TRPM3: variants seen among roughly 807,000 people sequenced by gnomAD.
TRPM3 encodes long transient receptor potential channel 3.
TRPM3 carries 77 observed loss-of-function variants against 181.2 expected under a neutral mutation model. The ratio of observed to expected loss-of-function variants is 0.42; its 90% confidence interval spans 0.35 to 0.51. TRPM3 has a LOEUF of 0.51. Ranked by LOEUF, TRPM3 falls within the 20% of genes least tolerant of loss-of-function variation. TRPM3 has a pLI of 0.01. For synonymous variants in TRPM3, 745 were observed against 796.4 expected, an observed-to-expected ratio of 0.94 and a Z score of 1.09; for missense variants, 1,759 against 2,196.7, an observed-to-expected ratio of 0.80 and a Z score of 3.98.
At chr9:71,026,228 C>T (rs930740717) in intron 1 of TRPM3, among the ~76,000 whole-genome samples, 1 of 152,170 alleles carries the variant, frequency 6.6e-6, no homozygotes, top group Non-Finnish European at 1.5e-5. Context: ...GTCCTGCACT[C>T]TGCAGGGCAG....
intron 1 of TRPM3, among the ~76,000 whole-genome samples, chr9:71,067,200 C>G (rs1026082165): frequency 6.6e-6 from 1 of 151,394 alleles, no homozygotes; most frequent in Non-Finnish European, 1.5e-5. Context: ...AGGTTCCTTA[C>G]ACTGTGTATA....
At chr9:71,192,175 T>A (rs546380456) in intron 1 of TRPM3, among the ~76,000 whole-genome samples, 2 of 152,004 alleles carry the variant, frequency 1.3e-5, no homozygotes, top group East Asian at 3.9e-4. Context: ...CACCTTTATA[T>A]AGCATTTTTA....
At chr9:70,539,065 C>T (rs927508604) in intron 25 of TRPM3, among the ~76,000 whole-genome samples, 1 of 152,150 alleles carries the variant, frequency 6.6e-6, no homozygotes, top group Admixed American at 6.6e-5. Flanking sequence ...CCAATCCTTC[C>T]AATATGCAAA....
At chr9:71,026,431 C>T (rs907968448) in intron 1 of TRPM3, among the ~76,000 whole-genome samples, 19 of 152,200 alleles carry the variant, frequency 1.2e-4, no homozygotes, top group Non-Finnish European at 2.5e-4. Flanking sequence ...CCGATGAACA[C>T]GCACCAGCCT....
rs1388748123 is a variant in TRPM3, at chr9:70,598,426, C to G, written c.3041G>C (p.Gly1014Ala). Residue 1014 changes from glycine (G) to alanine (A), a missense_variant, in exon 21 of 26, where the codon GGA (glycine) becomes GCA (alanine). Coordinates refer to ENST00000677713, the MANE Select transcript of TRPM3 (RefSeq NM_001366145.2). The part of the protein sequence containing the change: ...KYLGPYVMMI[G>A]KMMIDMMYFV... ...TCAGAAGACCCTGCTTACCATTTTT[C>G]CAATCATCATTACATACGGGCCCAA... 1 of 1,612,118 alleles carries G rather than the reference C, an allele frequency of 6.2e-7. No individual in the cohort carries two copies.
intron 1 of TRPM3, among the ~76,000 whole-genome samples, chr9:70,915,492 A>G (rs2096584115): frequency 6.6e-6 from 1 of 150,458 alleles, no homozygotes; most frequent in South Asian, 2.1e-4. Flanking sequence ...TTTTTAGTAG[A>G]GACGGGGTTT....
intron 1 of TRPM3, among the ~76,000 whole-genome samples, chr9:71,211,869 T>C (rs1360265870): frequency 6.6e-6 from 1 of 152,200 alleles, no homozygotes; most frequent in Non-Finnish European, 1.5e-5. Flanking sequence ...TGAGGTACTG[T>C]GGGTTAGGAC....
intron 1 of TRPM3, among the ~76,000 whole-genome samples, chr9:71,297,054 C>T (rs1480692255): frequency 4.2e-5 from 6 of 144,318 alleles, no homozygotes; most frequent in Non-Finnish European, 1.5e-5. Context: ...TGCAATGGCA[C>T]GATCTCTGCT....
At chr9:71,206,990 T>C (rs747668245) in intron 1 of TRPM3, among the ~76,000 whole-genome samples, 1 of 152,050 alleles carries the variant, frequency 6.6e-6, no homozygotes, top group Non-Finnish European at 1.5e-5. Flanking sequence ...GTTCTCTTTA[T>C]CAGTAGTTGA....
In TRPM3 at chr9:71,121,487, G is replaced by A. The variant is rs2073635896; in HGVS notation, c.-133C>T. On this transcript the variant is annotated 5_prime_UTR_variant, in exon 1 of 26. Coordinates refer to ENST00000677713, the MANE Select transcript of TRPM3 (RefSeq NM_001366145.2). ...CCACCTCCCCTCTCTCTGCAGCCGT[G>A]CTCATGCATACCAAATGTGGCTGAA... 1 of 1,434,156 alleles carries A rather than the reference G, an allele frequency of 7.0e-7. No homozygotes were observed. Among genetic ancestry groups the A allele is most frequent in the Non-Finnish European group, 9.1e-7 (1 of 1,098,738 alleles). 88.8% of individuals were successfully genotyped at this position (1,434,156 alleles called of 1,614,324 possible). A position where few individuals can be genotyped will look rare whatever the true frequency, so the allele number is the denominator to read the frequency against.
In TRPM3 at chr9:70,903,507, T is replaced by G. The variant is rs1370562414; in HGVS notation, c.178-38996A>C. Among the ~76,000 whole-genome samples, 8 of 143,616 alleles carry G rather than the reference T, an allele frequency of 5.6e-5. No homozygotes were observed. In the South Asian group the frequency reaches 1.5e-3, roughly 27 times the overall value. 94.2% of individuals were successfully genotyped at this position (143,616 alleles called of 152,430 possible). On this transcript the variant is annotated intron_variant, in intron 1 of 25. Transcript: ENST00000677713. ...CACTCCATTCAAAGTGTTTTTGGGG[T>G]TTTTTTTTTAATCCTGTAAAAAGAA...
chr9:71,069,617 T>C (rs536174086), intron 1 of TRPM3, among the ~76,000 whole-genome samples: 3 of 150,050 alleles, frequency 2.0e-5, no homozygotes, highest in East Asian at 4.0e-4. Flanking sequence ...TCTTTTTTTT[T>C]TTTTTTTTTG....
In TRPM3 at chr9:70,698,334, G is replaced by A. The variant is rs1249755158; in HGVS notation, c.1273-16756C>T. Among the ~76,000 whole-genome samples, 4 of 152,004 alleles carry A rather than the reference G, an allele frequency of 2.6e-5. 1 individual carries two copies. Among genetic ancestry groups the A allele is most frequent in the South Asian group, 4.1e-4 (2 of 4,834 alleles). ...TCAATTTGCTTGTATGTGAGTTTCC[G>A]TCCTGTCTCTTACTAGCTGTGTCTG... On this transcript the variant is annotated intron_variant, in intron 8 of 25. Transcript: ENST00000677713.
chr9:70,629,653 T>A (rs1316147084), intron 12 of TRPM3, among the ~76,000 whole-genome samples: 1 of 152,230 alleles, frequency 6.6e-6, no homozygotes, highest in East Asian at 1.9e-4. Flanking sequence ...GGTATATATA[T>A]GTTTTATATG....
intron 22 of TRPM3, among the ~76,000 whole-genome samples, chr9:70,554,819 C>T (rs886384890): frequency 1.3e-5 from 2 of 152,134 alleles, no homozygotes; most frequent in Non-Finnish European, 2.9e-5. Flanking sequence ...AAAAGAGGAC[C>T]AAAGTGCTTC....
In TRPM3 at chr9:70,827,979, T is replaced by G; in HGVS notation, c.841A>C (p.Lys281Gln). The change falls in exon 6 of 26, where the codon AAG becomes CAG. Residue 281 changes from lysine (K) to glutamine (Q), a missense_variant. This residue lies in a region of TRPM3 where 737 missense variants were observed against 957.4 expected (regional missense o/e 0.77). Coordinates refer to ENST00000677713, the MANE Select transcript of TRPM3 (RefSeq NM_001366145.2). ...PYQTMSNPMS[K>Q]LTVLNSMHSH... The stretch of plus-strand genomic sequence containing the variant: ...TGCATGCTGTTGAGAACAGTGAGCT[T>G]GCTCATGGGATTGGACATGGTCTGG... 1 of 1,613,998 alleles carries G rather than the reference T, an allele frequency of 6.2e-7. No individual in the cohort carries two copies. Among genetic ancestry groups the G allele is most frequent in the Non-Finnish European group, 8.5e-7 (1 of 1,179,914 alleles).
chr9:70,931,589 CTCTT>C (rs1301165099), intron 1 of TRPM3, among the ~76,000 whole-genome samples: 1 of 151,524 alleles, frequency 6.6e-6, no homozygotes, highest in African/African-American at 2.4e-5. Context: ...CACCATTTGA[CTCTT>C]TTTTTTTTGT....
At chr9:70,629,280 A>G (rs1246375699) in intron 12 of TRPM3, among the ~76,000 whole-genome samples, 9 of 140,790 alleles carry the variant, frequency 6.4e-5, no homozygotes, top group Non-Finnish European at 1.4e-4. Context: ...ACCGAAGCCA[A>G]TGAGAATTCC....
At chr9:71,162,064 G>A (rs1434774251) in intron 1 of TRPM3, among the ~76,000 whole-genome samples, 1 of 151,856 alleles carries the variant, frequency 6.6e-6, no homozygotes, top group African/African-American at 2.4e-5. Flanking sequence ...GCCAGGTGTG[G>A]TGGTGTGTTT....
Sources: gnomAD v4.1 joint callset for allele counts (sites outside exome capture counted in the v4.1 genomes callset) on GRCh38, gnomAD v4.1.1 for gene constraint, gnomAD v4.1.1 regional missense constraint, MANE v1.5 for transcripts, NCBI Gene and HGNC (gene_info 2026-07-23, HGNC 2026-07-21) for gene names.